ORMDL1: variants seen among roughly 807,000 people sequenced by gnomAD.
The protein encoded by ORMDL1 is ORM1-like protein 1.
A neutral mutation model predicts 13.0 loss-of-function variants in ORMDL1; 10 were observed. That is an observed-to-expected ratio of 0.77 (90% CI 0.47 to 1.30). The LOEUF (loss-of-function observed/expected upper bound fraction) is 1.30. Among genes scored for constraint, ORMDL1 ranks in the 50% most tolerant of loss-of-function variants. The pLI is 0.00. For missense variants in ORMDL1, 171 were observed against 186.7 expected (o/e 0.92, Z 0.49); for synonymous variants, 61 against 63.9 (o/e 0.95, Z 0.22).
At chr2:189,783,256 TTTC>T (rs1480619015) in intron 1 of ORMDL1, 133 bp from the exon 2 acceptor site, 4 of 152,096 alleles carry the variant, frequency 2.6e-5, no homozygotes, top group African/African-American at 7.3e-5. Context: ...TTCAGTTTTC[TTTC>T]TTCTTTTTAA....
chr2:189,780,865 T>C (rs1431336988), intron 3 of ORMDL1, among the ~76,000 whole-genome samples: 2 of 152,204 alleles, frequency 1.3e-5, no homozygotes, highest in African/African-American at 4.8e-5. Context: ...AGCACATCAT[T>C]CTTATCCTCC....
chr2:189,766,061 G>T (rs1377984672), downstream of ORMDL1, among the ~76,000 whole-genome samples: 2 of 151,904 alleles, frequency 1.3e-5, no homozygotes, highest in African/African-American at 4.8e-5. Context: ...TCTTGACCTC[G>T]TGATCCACCT....
Position 189,782,574 on chromosome 2 carries a change from T to G in ORMDL1, c.22A>C (p.Ser8Arg). MNVGVAHSEVNPNTRVMN... is the reference protein window; with the variant it reads MNVGVAHREVNPNTRVMN... ...ACACGGGTATTTGGATTCACTTCAC[T>G]GTGGGCAACTCCAACGTTCATGTTT... Residue 8 changes from serine to arginine, a missense_variant, in exon 3 of 5, where the codon AGT (serine) becomes CGT (arginine). Coordinates refer to ENST00000392349, the MANE Select transcript of ORMDL1 (RefSeq NM_016467.5). 6.2e-7 allele frequency: 1 copy of G among 1,614,168 alleles called. No individual in the cohort carries two copies. Among genetic ancestry groups the G allele is most frequent in the East Asian group, 2.2e-5 (1 of 44,884 alleles).
downstream of ORMDL1, chr2:189,770,192 T>C (rs757197254): frequency 4.6e-4 from 70 of 152,308 alleles, no homozygotes; most frequent in East Asian, 7.7e-4. Context: ...TGTAAGCCTT[T>C]TGAGAGGAAC....
chr2:189,767,834 T>A (rs2047508199), downstream of ORMDL1, among the ~76,000 whole-genome samples: 1 of 152,232 alleles, frequency 6.6e-6, no homozygotes, highest in Non-Finnish European at 1.5e-5. Flanking sequence ...CAACTTTTTT[T>A]ACTATTTTTC....
At chr2:189,780,523 C>T (rs2047799147) in intron 3 of ORMDL1, among the ~76,000 whole-genome samples, 1 of 152,068 alleles carries the variant, frequency 6.6e-6, no homozygotes, top group African/African-American at 2.4e-5. Flanking sequence ...TAAATAGGAG[C>T]ATCCTTATTC....
chr2:189,784,195 G>T (rs2048029167), intron 1 of ORMDL1, 74 bp downstream of exon 1: 1 of 152,340 alleles, frequency 6.6e-6, no homozygotes, highest in Non-Finnish European at 1.5e-5. Context: ...CTCTCAGGAC[G>T]ACCCCTAGGC....
At chr2:189,766,724 CAA>C (rs58840698), downstream of ORMDL1, among the ~76,000 whole-genome samples, 25 of 146,460 alleles carry the variant, frequency 1.7e-4, no homozygotes, top group Non-Finnish European at 2.0e-4. Flanking sequence ...ACTCCCGTCT[CAA>C]AAAAAAAAAA....
At chr2:189,769,592 C>T (rs1242511152), downstream of ORMDL1, among the ~76,000 whole-genome samples, 1 of 152,088 alleles carries the variant, frequency 6.6e-6, no homozygotes, top group African/African-American at 2.4e-5. Flanking sequence ...CAAAGGGACA[C>T]AGCAGTCAGC....
In ORMDL1 at chr2:189,771,603, A is replaced by G. The variant is rs759870588; in HGVS notation, c.*164T>C. The G allele has an allele frequency of 5.5e-5, 31 of 563,820 alleles. No individual in the cohort carries two copies. Among genetic ancestry groups the G allele is most frequent in the Non-Finnish European group, 4.7e-5 (16 of 341,876 alleles). 34.9% of individuals were successfully genotyped at this position (563,820 alleles called of 1,614,324 possible). On this transcript the variant is annotated 3_prime_UTR_variant, in exon 5 of 5. Transcript: ENST00000392349. ...GTGTATTAAACAGAGGCATCATTTA[A>G]TGGAAATCTGCACTTCAAAACAGCA...
At chr2:189,782,384 A>G in intron 3 of ORMDL1, 38 bp downstream of exon 3, 1 of 1,550,496 alleles carries the variant, frequency 6.4e-7, no homozygotes, top group Non-Finnish European at 8.8e-7. Flanking sequence ...CACTAAACTT[A>G]AAACTTTTAA....
At chr2:189,764,227 G>A in the ORMDL1 span, 1 of 152,236 alleles carries the variant, frequency 6.6e-6, no homozygotes, top group South Asian at 2.1e-4. Flanking sequence ...TACGGTTAGA[G>A]AGGTCAGAGC....
intron 1 of ORMDL1, chr2:189,783,991 G>A (rs552278653): frequency 2.9e-4 from 44 of 152,608 alleles, no homozygotes; most frequent in African/African-American, 9.9e-4. Context: ...CTCTGGGCCA[G>A]AGAAAACTCA....
At chr2:189,782,676 G>A in intron 2 of ORMDL1, 74 bp from the exon 3 acceptor site, 7 of 1,379,720 alleles carry the variant, frequency 5.1e-6, no homozygotes, top group Non-Finnish European at 7.1e-6. Flanking sequence ...ACATGACAAG[G>A]TACCTGTGTT....
intron 1 of ORMDL1, 48 bp downstream of exon 1, chr2:189,784,221 A>C (rs369675358): frequency 1.3e-5 from 2 of 152,244 alleles, no homozygotes; most frequent in Non-Finnish European, 2.9e-5. Flanking sequence ...GCAGTTCCCT[A>C]CCGACGAAGG....
chr2:189,766,772 CT>C (rs2047490118), downstream of ORMDL1, among the ~76,000 whole-genome samples: 1 of 152,042 alleles, frequency 6.6e-6, no homozygotes, highest in African/African-American at 2.4e-5. Flanking sequence ...GCTCCCATTC[CT>C]TCTGCCTTCC....
intron 3 of ORMDL1, among the ~76,000 whole-genome samples, chr2:189,777,905 G>T (rs1281995483): frequency 1.3e-5 from 2 of 152,202 alleles, no homozygotes; most frequent in South Asian, 4.1e-4. Flanking sequence ...ATGTACTTCA[G>T]ATTTTTAATT....
intron 3 of ORMDL1, 100 bp from the exon 4 acceptor site, chr2:189,775,816 T>C: frequency 8.8e-7 from 1 of 1,132,644 alleles, no homozygotes; most frequent in East Asian, 2.7e-5. Context: ...TGAGAGTGTG[T>C]GATTTAACTG....
At chr2:189,766,268 T>C (rs892568426), downstream of ORMDL1, among the ~76,000 whole-genome samples, 1 of 152,248 alleles carries the variant, frequency 6.6e-6, no homozygotes, top group Non-Finnish European at 1.5e-5. Context: ...TTTTACAAAT[T>C]AACTTTTCTG....
Sources: allele counts gnomAD v4.1 joint callset (sites outside exome capture counted in the v4.1 genomes callset), GRCh38; gene constraint gnomAD v4.1.1; transcripts MANE v1.5; gene names NCBI Gene and HGNC (gene_info 2026-07-23, HGNC 2026-07-21).